ADAD2: variants seen among roughly 807,000 people sequenced by gnomAD.
ADAD2 encodes adenosine deaminase domain-containing protein 2.
Under a neutral mutation model 54.5 loss-of-function variants are expected in ADAD2, and 60 were observed. The ratio of observed to expected loss-of-function variants is 1.10; its 90% CI spans 0.89 to 1.36. ADAD2 has a LOEUF of 1.36. ADAD2 is among the 40% of genes most tolerant of loss of function. The pLI, the probability that ADAD2 is intolerant of heterozygous loss-of-function variation, is 0.00. For synonymous variants in ADAD2, 543 were observed against 366.2 expected (o/e 1.48, Z -5.51); for missense variants, 1,103 against 801.3 (o/e 1.38, Z -4.54).
Position 84,196,475 on chromosome 16 carries a change from CAACCCCTTCGCT to C in ADAD2, c.1526+106_1526+117del. 4 of 1,436,260 alleles carry C rather than the reference CAACCCCTTCGCT, an allele frequency of 2.8e-6. No individual in the cohort carries two copies. The South Asian group carries it at 5.1e-5, about 18-fold the overall frequency. The allele number at this position is 1,436,260 out of a possible 1,614,324, so 89.0% of individuals were successfully genotyped here. ...CTAATCCCAGCGCAACCCCTTCGCT[CAACCCCTTCGCT>C]CAACCCCTTCCTAGCTCCGTAGTGG... On this transcript the variant is annotated intron_variant, in intron 8 of 9. Transcript: ENST00000315906.
In ADAD2 at chr16:84,195,569, C is replaced by A; in HGVS notation, c.924C>A (p.Gly308=). The A allele has an allele frequency of 6.2e-7, 1 of 1,600,500 alleles. No individual in the cohort carries two copies. The highest frequency in any genetic ancestry group is 8.5e-7 in the Non-Finnish European group (1 of 1,173,710). ...FRQLLLATQG[G]PKGKEQSVLA... is the part of the protein sequence containing the mutation. ...AGCTCCTGCTGGCCACACAGGGGGGCCCCAAGGGCAAGGAGCAGTCCGTGC... is the reference window on the plus strand; with the variant it reads ...AGCTCCTGCTGGCCACACAGGGGGGACCCAAGGGCAAGGAGCAGTCCGTGC... The change falls in exon 6 of 10, where the codon GGC becomes GGA. Residue 308 remains glycine, a synonymous_variant. Coordinates refer to ENST00000315906, the MANE Select transcript of ADAD2 (RefSeq NM_001145400.2).
chr16:84,195,856 C>G lies in ADAD2; in HGVS notation c.1094C>G (p.Pro365Arg). 6.2e-7 allele frequency: 1 copy of G among 1,607,018 alleles called. No homozygotes were observed. Among genetic ancestry groups the G allele is most frequent in the Non-Finnish European group, 8.5e-7 (1 of 1,179,242 alleles). The change falls in exon 7 of 10, where the codon CCC (proline) becomes CGC (arginine). Residue 365 changes from proline (P) to arginine (R), a missense_variant. Transcript: ENST00000315906. ...GAAGGTGGCCTCCCGCACAGCCCAC[C>G]CATGCGCCTGCAGGCCCATGTGCTC... ...TSEGGLPHSP[P>R]MRLQAHVLGQ...
intron 4 of ADAD2, 40 bp from the exon 5 acceptor site, chr16:84,195,256 C>T (rs1206900145): frequency 2.5e-6 from 4 of 1,611,470 alleles, no homozygotes; most frequent in African/African-American, 1.3e-5. Flanking sequence ...CCTCAAGCTC[C>T]TTGCCTTAGG....
rs2089719359 is a variant in ADAD2 at position 84,195,685 on chromosome 16, C to G, written c.1040C>G (p.Ala347Gly). ...ATCAGCAACACCCCCAAGGGCGCGGCCCGTGACATCTAGTATGCAGGGCCC... is the reference window on the plus strand; with the variant it reads ...ATCAGCAACACCCCCAAGGGCGCGGGCCGTGACATCTAGTATGCAGGGCCC... ...LYISNTPKGA[A>G]RDIYLPPTSE... The change falls in exon 6 of 10, where the codon GCC becomes GGC. Residue 347 changes from alanine to glycine, a missense_variant. Ala to Gly is a moderately conservative substitution (Grantham distance 60). Coordinates refer to ENST00000315906, the MANE Select transcript of ADAD2 (RefSeq NM_001145400.2). 6.4e-7 allele frequency: 1 copy of G among 1,558,206 alleles called. No homozygotes were observed. The highest frequency in any genetic ancestry group is 1.4e-5 in the African/African-American group (1 of 72,508).
At chr16:84,196,417 G>T (rs1407242048) in intron 8 of ADAD2, 47 bp downstream of exon 8, 1 of 1,581,966 alleles carries the variant, frequency 6.3e-7, no homozygotes, top group Non-Finnish European at 8.6e-7. Context: ...TGCTGGTGAT[G>T]GAGGGCTCAT....
chr16:84,196,826 C>G, intron 9 of ADAD2, 44 bp from the exon 10 acceptor site: 2 of 1,597,114 alleles, frequency 1.3e-6, no homozygotes, highest in Non-Finnish European at 1.7e-6. Context: ...TCCCTGCCCC[C>G]TGCAGGTACC....
chr16:84,191,503 G>A lies in ADAD2; in HGVS notation c.273G>A (p.Met91Ile), dbSNP rs776367277. 143 of 1,542,708 alleles carry A rather than the reference G, an allele frequency of 9.3e-5. No individual in the cohort carries two copies. The highest frequency in any genetic ancestry group is 1.1e-4 in the Non-Finnish European group (131 of 1,145,886). The change falls in exon 1 of 10, where the codon ATG becomes ATA. Residue 91 changes from methionine (M) to isoleucine (I), a missense_variant. Physicochemically the swap from Met to Ile is conservative, Grantham distance 10. Transcript: ENST00000315906. Reference sequence around the variant, plus strand: ...CGTGGGAAAACTTGGGGGAACAGATGGGGAAGGCCCCGAGGGTCCCTGTGC... The same window carrying A: ...CGTGGGAAAACTTGGGGGAACAGATAGGGAAGGCCCCGAGGGTCCCTGTGC... ...ARAWENLGEQ[M>I]GKAPRVPVPP...
intron 2 of ADAD2, 33 bp from the exon 3 acceptor site, chr16:84,194,900 C>A: frequency 6.3e-7 from 1 of 1,579,300 alleles, no homozygotes; most frequent in South Asian, 1.2e-5. Flanking sequence ...GGCCTTGGCA[C>A]CCACACCAGC....
rs369940640 is a variant in ADAD2 at position 84,195,806 on chromosome 16, G to C, written c.1053-9G>C. On this transcript the variant is annotated splice_polypyrimidine_tract_variant and intron_variant, in intron 6 of 9. Transcript: ENST00000315906. ...CTGAAGCTGATGTCTGTCCCCACCC[G>C]GCCCGCAGCCTGCCCCCCACCTCGG... is the stretch of plus-strand genomic sequence containing the variant. The C allele has an allele frequency of 8.8e-6, 14 of 1,592,548 alleles. No homozygotes were observed. The African/African-American group carries it at 1.6e-4, about 18-fold the overall frequency.
In ADAD2 at chr16:84,196,655, T is replaced by G; in HGVS notation, c.1535T>G (p.Leu512Arg). 18 of 1,613,464 alleles carry G rather than the reference T, an allele frequency of 1.1e-5. No homozygotes were observed. Among genetic ancestry groups the G allele is most frequent in the Non-Finnish European group, 1.5e-5 (18 of 1,179,938 alleles). ...ATGRVKANAA[L>R]GPPSRLCKAS... Reference sequence around the variant, plus strand: ...ATCCTCTCTTCATCCAGTGCCGCCCTGGGGCCTCCCTCCCGTCTCTGCAAG... The same window carrying G: ...ATCCTCTCTTCATCCAGTGCCGCCCGGGGGCCTCCCTCCCGTCTCTGCAAG... Residue 512 changes from leucine (L) to arginine (R), a missense_variant, in exon 9 of 10, where the codon CTG becomes CGG. Physicochemically the swap from Leu to Arg is moderately radical, Grantham distance 102 (BLOSUM62 -2). Transcript: ENST00000315906.
Position 84,195,881 on chromosome 16 carries a change from C to T in ADAD2, c.1119C>T (p.Leu373=), listed in dbSNP as rs772718196. ...CCATGCGCCTGCAGGCCCATGTGCT[C>T]GGGCAGCTGAAGCCTGTGTGCTACG... ...SPPMRLQAHV[L]GQLKPVCYVA... is the part of the protein sequence containing the mutation. Residue 373 remains leucine (L), a synonymous_variant, in exon 7 of 10, where the codon CTC becomes CTT. Coordinates refer to ENST00000315906, the MANE Select transcript of ADAD2 (RefSeq NM_001145400.2). The T allele has an allele frequency of 1.0e-5, 16 of 1,604,220 alleles. No individual in the cohort carries two copies. The highest frequency in any genetic ancestry group is 1.7e-4 in the Middle Eastern group (1 of 6,056).
Position 84,194,485 on chromosome 16 carries a change from G to T in ADAD2, c.462G>T (p.Val154=). 1 of 1,611,098 alleles carries T rather than the reference G, an allele frequency of 6.2e-7. No homozygotes were observed. Among genetic ancestry groups the T allele is most frequent in the African/African-American group, 1.3e-5 (1 of 75,004 alleles). ...PFSVSAELDG[V]VCPAGTANSK... is the part of the protein sequence containing the mutation. ...CGGTGAGCGCGGAACTGGATGGGGT[G>T]GTCTGCCCTGCGGGCACTGCGAATA... The change falls in exon 2 of 10, where the codon GTG becomes GTT. Residue 154 remains valine (V), a synonymous_variant. Coordinates refer to ENST00000315906, the MANE Select transcript of ADAD2 (RefSeq NM_001145400.2).
chr16:84,193,597 T>A (rs1421892873), intron 1 of ADAD2: 1 of 162,512 alleles, frequency 6.2e-6, no homozygotes, highest in Non-Finnish European at 1.4e-5. Flanking sequence ...TCCTTTGTGC[T>A]GAATAAGTCA....
Position 84,194,579 on chromosome 16 carries a change from C to T in ADAD2, c.556C>T (p.Pro186Ser), listed in dbSNP as rs1326734406. Residue 186 changes from proline (P) to serine (S), a missense_variant, in exon 2 of 10, where the codon CCA becomes TCA. Transcript: ENST00000315906. ...CTACATCCGGAGTCAGCTGGAGAAC[C>T]CAGGTAATGGAGGGAGGGCCAGGCA... ...LCYIRSQLEN[P>S]ESPQTSSRPP... 7 of 1,603,092 alleles carry T rather than the reference C, an allele frequency of 4.4e-6. No individual in the cohort carries two copies. The highest frequency in any genetic ancestry group is 1.7e-4 in the Middle Eastern group (1 of 6,048).
chr16:84,194,050 G>A (rs1172151123), intron 1 of ADAD2: 1 of 1,606,350 alleles, frequency 6.2e-7, no homozygotes, highest in Non-Finnish European at 8.5e-7. Context: ...GGAATTGAAA[G>A]CAATGTGTCT....
Position 84,195,882 on chromosome 16 carries a change from G to T in ADAD2, c.1120G>T (p.Gly374Trp). ...PPMRLQAHVL[G>W]QLKPVCYVAP... ...CATGCGCCTGCAGGCCCATGTGCTC[G>T]GGCAGCTGAAGCCTGTGTGCTACGT... The change falls in exon 7 of 10, where the codon GGG becomes TGG. Residue 374 changes from glycine to tryptophan, a missense_variant. Physicochemically the swap from Gly to Trp is radical, Grantham distance 184. Coordinates refer to ENST00000315906, the MANE Select transcript of ADAD2 (RefSeq NM_001145400.2). 6.2e-7 allele frequency: 1 copy of T among 1,604,196 alleles called. No individual in the cohort carries two copies. Among genetic ancestry groups the T allele is most frequent in the Non-Finnish European group, 8.5e-7 (1 of 1,179,348 alleles).
In ADAD2 at chr16:84,191,254, TGAC is replaced by T. The variant is rs751488524; in HGVS notation, c.32_34del (p.Asp11del). 5.0e-5 allele frequency: 80 copies of T among 1,607,262 alleles called. No individual in the cohort carries two copies. Among genetic ancestry groups the T allele is most frequent in the Non-Finnish European group, 6.7e-5 (79 of 1,177,318 alleles). On this transcript the variant is annotated inframe_deletion, in exon 1 of 10. Transcript: ENST00000315906. ...CCATGGCTTCGGCTTCTCAGGGCGC[TGAC>T]GACGACGGCAGTCGTAGGAAGCCCC... is the stretch of plus-strand genomic sequence containing the variant.
At chr16:84,193,055 A>T (rs944188444) in intron 1 of ADAD2, 5 of 152,126 alleles carry the variant, frequency 3.3e-5, no homozygotes, top group African/African-American at 1.2e-4. Flanking sequence ...CGTGTTGGCC[A>T]TGCTGGTCTT....
chr16:84,191,571 G>C lies in ADAD2; in HGVS notation c.341G>C (p.Ser114Thr). Residue 114 changes from serine (S) to threonine (T), a missense_variant, in exon 1 of 10, where the codon AGC (serine) becomes ACC (threonine). Transcript: ENST00000315906. ...CTGCCGCTCAAAGACCCACCTGCCA[G>C]CCAGGCCGTGTCCTTGCTCACGGAG... is the stretch of plus-strand genomic sequence containing the variant. ...LSLPLKDPPA[S>T]QAVSLLTEYA... The C allele has an allele frequency of 5.2e-6, 8 of 1,549,232 alleles. No homozygotes were observed. Among genetic ancestry groups the C allele is most frequent in the Non-Finnish European group, 6.1e-6 (7 of 1,146,844 alleles).
Sources: allele counts gnomAD v4.1 joint callset, GRCh38; gene constraint gnomAD v4.1.1; transcripts MANE v1.5; gene names NCBI Gene and HGNC (gene_info 2026-07-23, HGNC 2026-07-21).